The following UBE2F variants were observed in gnomAD, a reference collection of about 807,000 sequenced individuals.
UBE2F encodes the protein NEDD8-conjugating enzyme UBE2F.
Under a neutral mutation model 29.6 loss-of-function variants are expected in UBE2F, and 5 were observed. The observed-to-expected ratio is 0.17, with a 90% CI of 0.09 to 0.36. UBE2F has a LOEUF of 0.36. Among genes scored for constraint, UBE2F ranks in the 10% least tolerant of loss-of-function variants. The pLI, the probability that UBE2F is intolerant of heterozygous loss-of-function variation, is 1.00. For missense variants in UBE2F, 141 were observed against 228.5 expected (o/e 0.62, Z 2.47); for synonymous variants, 66 against 81.8 (o/e 0.81, Z 1.04).
intron 9 of UBE2F, among the ~76,000 whole-genome samples, chr2:238,036,965 A>G (rs2064725854): frequency 6.6e-6 from 1 of 152,124 alleles, no homozygotes. Context: ...CTTGACTTTG[A>G]TTTTTACCCA....
At chr2:237,992,681 A>G (rs1341698810) in intron 3 of UBE2F, among the ~76,000 whole-genome samples, 1 of 152,202 alleles carries the variant, frequency 6.6e-6, no homozygotes, top group Non-Finnish European at 1.5e-5. Flanking sequence ...TTAATGTAGG[A>G]ATTAACCTTG....
intron 4 of UBE2F, among the ~76,000 whole-genome samples, chr2:238,003,682 A>G (rs1382265463): frequency 1.3e-5 from 2 of 152,304 alleles, no homozygotes; most frequent in East Asian, 3.9e-4. Context: ...AAAAATTACC[A>G]CCACTCTTTA....
rs554110858 is a variant in UBE2F at position 237,976,771 on chromosome 2, A to G, written c.118+3546A>G. On this transcript the variant is annotated intron_variant, in intron 2 of 9. Transcript: ENST00000272930. ...AAGCTTCAGCATGAATTTTGGCCCC[A>G]TTCGAGCCATAGTAGGCACTTAATG... Among the ~76,000 whole-genome samples, 106 of 152,330 alleles carry G rather than the reference A, an allele frequency of 7.0e-4. 4 individuals are homozygous for G. The South Asian group carries it at 0.022, about 31-fold the overall frequency.
intron 4 of UBE2F, among the ~76,000 whole-genome samples, chr2:238,002,609 ATTTTGTTT>A (rs1220325819): frequency 1.3e-5 from 2 of 151,508 alleles, no homozygotes; most frequent in Middle Eastern, 3.4e-3. Flanking sequence ...ATGCATGAAC[ATTTTGTTT>A]TTTTGTTTTT....
At chr2:237,977,075 C>T (rs2063296551) in intron 2 of UBE2F, among the ~76,000 whole-genome samples, 1 of 152,188 alleles carries the variant, frequency 6.6e-6, no homozygotes, top group African/African-American at 2.4e-5. Context: ...CCCTGGAGCT[C>T]TCTGCCGGCT....
chr2:237,973,725 C>T (rs542930467), intron 2 of UBE2F: 132 of 1,280,534 alleles, frequency 1.0e-4, no homozygotes, highest in Non-Finnish European at 1.3e-4. Flanking sequence ...CTAGAGTTTT[C>T]GTGACTTCTG....
chr2:238,033,870 G>C (rs1337585218), intron 8 of UBE2F, among the ~76,000 whole-genome samples: 2 of 152,176 alleles, frequency 1.3e-5, no homozygotes, highest in Non-Finnish European at 2.9e-5. Flanking sequence ...TATTTCTGGA[G>C]CCTAATTTGA....
chr2:237,967,161 G>A lies in UBE2F; in HGVS notation c.-17+29G>A, dbSNP rs933612451. 177 of 1,187,058 alleles carry A rather than the reference G, an allele frequency of 1.5e-4. No homozygotes were observed. The African/African-American group carries it at 2.5e-3, about 17-fold the overall frequency. 73.5% of individuals were successfully genotyped at this position (1,187,058 alleles called of 1,614,324 possible). ...AGGAGCGACCGTGCGGCTCTGCGGC[G>A]GGGCGAGGTGCGGCCGCCGGTGCAC... On this transcript the variant is annotated intron_variant, in intron 1 of 9. Coordinates refer to ENST00000272930, the MANE Select transcript of UBE2F (RefSeq NM_080678.3). The surrounding 1 kb of genome is among the most constrained non-coding windows in gnomAD (Gnocchi z 6.3).
chr2:238,015,102 A>G (rs1348051693), intron 4 of UBE2F, among the ~76,000 whole-genome samples: 4 of 152,266 alleles, frequency 2.6e-5, no homozygotes, highest in Non-Finnish European at 4.4e-5. Flanking sequence ...CTATGAAACC[A>G]TTAAATTACT....
chr2:238,035,664 C>A (rs2064691834), intron 8 of UBE2F: 3 of 522,378 alleles, frequency 5.7e-6, no homozygotes, highest in Non-Finnish European at 1.0e-5. Flanking sequence ...TCTCTGACTT[C>A]TTTCAGTCAG....
chr2:237,994,631 A>T, intron 3 of UBE2F, 113 bp from the exon 4 acceptor site: 1 of 782,936 alleles, frequency 1.3e-6, no homozygotes, highest in East Asian at 2.6e-5. Context: ...AACTTTCCAT[A>T]AACCATACGA....
At chr2:238,025,947 C>CA (rs1274701318) in intron 6 of UBE2F, among the ~76,000 whole-genome samples, 1 of 152,230 alleles carries the variant, frequency 6.6e-6, no homozygotes, top group African/African-American at 2.4e-5. Context: ...TGATCCCTGG[C>CA]ATGGGCAGAA....
chr2:238,027,968 T>G (rs573270171), intron 6 of UBE2F, among the ~76,000 whole-genome samples: 1 of 152,210 alleles, frequency 6.6e-6, no homozygotes, highest in Non-Finnish European at 1.5e-5. Flanking sequence ...GTCTGTGGGA[T>G]TGGAGGGCCT....
At chr2:237,979,861 G>A (rs1433674577) in intron 2 of UBE2F, among the ~76,000 whole-genome samples, 1 of 152,192 alleles carries the variant, frequency 6.6e-6, no homozygotes, top group Non-Finnish European at 1.5e-5. Flanking sequence ...TGCTACAGGG[G>A]CTGTGACTGC....
At chr2:237,993,643 G>T (rs971071637) in intron 3 of UBE2F, among the ~76,000 whole-genome samples, 1 of 152,192 alleles carries the variant, frequency 6.6e-6, no homozygotes, top group African/African-American at 2.4e-5. Flanking sequence ...AGCCTTGGAG[G>T]CAGAGGTTGC....
intron 4 of UBE2F, among the ~76,000 whole-genome samples, chr2:238,001,736 C>T (rs1259000462): frequency 1.3e-5 from 2 of 151,980 alleles, no homozygotes; most frequent in African/African-American, 4.8e-5. Flanking sequence ...AGGAGAATGG[C>T]GTGAACCCAG....
At chr2:238,009,941 A>G (rs977010247) in intron 4 of UBE2F, among the ~76,000 whole-genome samples, 2 of 152,178 alleles carry the variant, frequency 1.3e-5, no homozygotes, top group Non-Finnish European at 2.9e-5. Flanking sequence ...TACTCCCATC[A>G]TCACAGTTTT....
intron 6 of UBE2F, among the ~76,000 whole-genome samples, chr2:238,028,458 G>A (rs1005723392): frequency 6.6e-6 from 1 of 152,248 alleles, no homozygotes; most frequent in African/African-American, 2.4e-5. Flanking sequence ...TGATTAGCTA[G>A]ATCAGAAATA....
chr2:238,006,546 G>A (rs1418258798), intron 4 of UBE2F, among the ~76,000 whole-genome samples: 3 of 152,120 alleles, frequency 2.0e-5, no homozygotes, highest in Non-Finnish European at 4.4e-5. Flanking sequence ...TGATAAACCT[G>A]CTTTTCATTG....
Sources: allele counts gnomAD v4.1 joint callset (sites outside exome capture counted in the v4.1 genomes callset), GRCh38; gene constraint gnomAD v4.1.1; non-coding constraint Gnocchi (gnomAD v3.1); transcripts MANE v1.5; gene names NCBI Gene and HGNC (gene_info 2026-07-23, HGNC 2026-07-21).